The following PLXDC2 variants were observed in gnomAD, a reference collection of about 807,000 sequenced individuals.
PLXDC2 encodes plexin domain-containing protein 2.
In PLXDC2, 40 loss-of-function variants were observed where a neutral mutation model predicts 68.9. That is an observed-to-expected ratio of 0.58 (90% CI 0.45 to 0.76). PLXDC2 has a LOEUF of 0.76. Ranked by LOEUF, PLXDC2 falls within the 30% of genes least tolerant of loss-of-function variation. The pLI is 0.00. For synonymous variants in PLXDC2, 243 were observed against 234.2 expected (o/e 1.04, Z -0.34); for missense variants, 644 against 661.9 (o/e 0.97, Z 0.30).
chr10:19,964,111 A>G (rs566700662), intron 1 of PLXDC2, among the ~76,000 whole-genome samples: 1 of 152,210 alleles, frequency 6.6e-6, no homozygotes, highest in Non-Finnish European at 1.5e-5. Context: ...TCTCTGAGGA[A>G]AGAAAAAGCC....
chr10:19,842,056 A>T (rs1482739719), intron 1 of PLXDC2, among the ~76,000 whole-genome samples: 1 of 152,086 alleles, frequency 6.6e-6, no homozygotes, highest in East Asian at 1.9e-4. Context: ...TGGGAGGATC[A>T]TTTGAGGCCA....
chr10:20,282,283 T>A lies in PLXDC2; in HGVS notation c.*2464T>A, dbSNP rs1588560360. The A allele has an allele frequency of 6.6e-6, 1 of 152,150 alleles. No homozygotes were observed. Among genetic ancestry groups the A allele is most frequent in the Non-Finnish European group, 1.5e-5 (1 of 68,004 alleles). 9.4% of individuals were successfully genotyped at this position (152,150 alleles called of 1,614,324 possible). On this transcript the variant is annotated 3_prime_UTR_variant, in exon 14 of 14. Coordinates refer to ENST00000377252, the MANE Select transcript of PLXDC2 (RefSeq NM_032812.9). ...GCTAAATCCTTTTCTTTCATGAAACTCTCATTCTATTTTATATTTCTGGTT... is the reference window on the plus strand; with the variant it reads ...GCTAAATCCTTTTCTTTCATGAAACACTCATTCTATTTTATATTTCTGGTT...
At chr10:19,908,340 TTGAG>T (rs1833204215) in intron 1 of PLXDC2, among the ~76,000 whole-genome samples, 1 of 152,190 alleles carries the variant, frequency 6.6e-6, no homozygotes, top group African/African-American at 2.4e-5. Context: ...TTTCTCTACA[TTGAG>T]TGAGTTGGGA....
intron 9 of PLXDC2, among the ~76,000 whole-genome samples, chr10:20,202,051 T>C (rs966366731): frequency 3.3e-5 from 5 of 152,194 alleles, no homozygotes; most frequent in African/African-American, 1.2e-4. Flanking sequence ...GTTCGAATTA[T>C]TTATTGGACA....
intron 1 of PLXDC2, among the ~76,000 whole-genome samples, chr10:19,945,894 T>G (rs1288323499): frequency 6.6e-6 from 1 of 152,106 alleles, no homozygotes; most frequent in African/African-American, 2.4e-5. Context: ...TTGAAAAAGG[T>G]TTCCAGAGGA....
intron 3 of PLXDC2, among the ~76,000 whole-genome samples, chr10:20,060,367 A>G (rs76722923): frequency 0.016 from 2,492 of 152,226 alleles, 66 homozygotes; most frequent in African/African-American, 0.056. Flanking sequence ...ATAGGGGAAT[A>G]AAGCACGAAA....
chr10:19,899,128 C>G (rs1029548204), intron 1 of PLXDC2, among the ~76,000 whole-genome samples: 2 of 152,196 alleles, frequency 1.3e-5, no homozygotes, highest in African/African-American at 4.8e-5. Flanking sequence ...CCTGCTCCTC[C>G]TCTTCCACCC....
intron 1 of PLXDC2, among the ~76,000 whole-genome samples, chr10:19,967,312 A>G (rs955647198): frequency 2.0e-5 from 3 of 152,196 alleles, no homozygotes; most frequent in Non-Finnish European, 4.4e-5. Flanking sequence ...CCTAGAACAC[A>G]GAAAGATGGT....
intron 1 of PLXDC2, among the ~76,000 whole-genome samples, chr10:19,979,471 C>A (rs1486797720): frequency 6.6e-6 from 1 of 151,766 alleles, no homozygotes; most frequent in African/African-American, 2.4e-5. Flanking sequence ...CTCCACCTCC[C>A]AGGTTCAAGT....
chr10:20,058,660 G>A (rs1295276192), intron 3 of PLXDC2, among the ~76,000 whole-genome samples: 2 of 152,176 alleles, frequency 1.3e-5, no homozygotes, highest in African/African-American at 4.8e-5. Flanking sequence ...TAGCAACTGA[G>A]AAAAGGAAGG....
intron 1 of PLXDC2, among the ~76,000 whole-genome samples, chr10:19,850,537 T>C (rs1432662626): frequency 6.6e-6 from 1 of 152,176 alleles, no homozygotes; most frequent in Non-Finnish European, 1.5e-5. Flanking sequence ...TAGTATCTCA[T>C]GAACGTTTCA....
At chr10:19,849,085 G>A (rs1208500347) in intron 1 of PLXDC2, among the ~76,000 whole-genome samples, 1 of 151,900 alleles carries the variant, frequency 6.6e-6, no homozygotes, top group Non-Finnish European at 1.5e-5. Flanking sequence ...TAATCATAGG[G>A]ATTTGTGGAA....
At chr10:20,176,773 G>A (rs979722626) in intron 7 of PLXDC2, among the ~76,000 whole-genome samples, 2 of 152,046 alleles carry the variant, frequency 1.3e-5, no homozygotes, top group Admixed American at 1.3e-4. Context: ...AGGTAAGTGA[G>A]ATATCTGAGA....
chr10:19,820,602 C>T (rs1836446963), intron 1 of PLXDC2, among the ~76,000 whole-genome samples: 1 of 150,720 alleles, frequency 6.6e-6, no homozygotes, highest in South Asian at 2.1e-4. Flanking sequence ...CCACTGCAGT[C>T]CGCAGTCCGG....
At chr10:20,233,196 CAAG>C (rs1287273052) in intron 12 of PLXDC2, among the ~76,000 whole-genome samples, 3 of 151,844 alleles carry the variant, frequency 2.0e-5, no homozygotes, top group African/African-American at 7.3e-5. Context: ...GGATGGGATT[CAAG>C]AAGAAGTTAA....
intron 1 of PLXDC2, among the ~76,000 whole-genome samples, chr10:19,845,138 T>C (rs1836984076): frequency 6.6e-6 from 1 of 152,182 alleles, no homozygotes; most frequent in African/African-American, 2.4e-5. Flanking sequence ...GTCACTTCCC[T>C]TCTCTGCTCT....
intron 1 of PLXDC2, among the ~76,000 whole-genome samples, chr10:19,991,337 A>G (rs556608338): frequency 7.3e-6 from 1 of 136,578 alleles, no homozygotes; most frequent in East Asian, 2.0e-4. Flanking sequence ...TCTATTTCTC[A>G]TCATTTTCCC....
intron 4 of PLXDC2, among the ~76,000 whole-genome samples, chr10:20,069,094 T>C (rs954009009): frequency 1.3e-5 from 2 of 152,192 alleles, no homozygotes; most frequent in Non-Finnish European, 2.9e-5. Context: ...AGACAGAGTC[T>C]CTTTCCTTCA....
rs200749529 is a variant in PLXDC2, at chr10:20,068,157, T to G, written c.472-13T>G. ...ACATTATTGATTTTTTTCTCTGGTG[T>G]TGTTCTTTGCAGAGAGTGAATCTGT... On this transcript the variant is annotated splice_polypyrimidine_tract_variant and intron_variant, in intron 3 of 13. Transcript: ENST00000377252. 2.6e-5 allele frequency: 42 copies of G among 1,606,642 alleles called. No individual in the cohort carries two copies. In the East Asian group the frequency reaches 7.1e-4, roughly 27 times the overall value.
Sources: gnomAD v4.1 joint callset for allele counts (sites outside exome capture counted in the v4.1 genomes callset) on GRCh38, gnomAD v4.1.1 for gene constraint, MANE v1.5 for transcripts, NCBI Gene and HGNC (gene_info 2026-07-23, HGNC 2026-07-21) for gene names.